Variants in CNTNAP2 observed in about 807,000 individuals in gnomAD.
CNTNAP2 encodes contactin associated protein 2.
CNTNAP2 carries 98 observed loss-of-function variants against 155.2 expected under a neutral mutation model. That is an observed-to-expected ratio of 0.63 (90% CI 0.54 to 0.75). The LOEUF is 0.75. Among genes scored for constraint, CNTNAP2 ranks in the 30% least tolerant of loss-of-function variants. The probability of loss-of-function intolerance (pLI) is 0.00; values close to 1 mark genes in which losing one functional copy is unlikely to be tolerated. For missense variants in CNTNAP2, 1,727 were observed against 1,688.1 expected (o/e 1.02, Z -0.40); for synonymous variants, 651 against 631.2 (o/e 1.03, Z -0.47).
intron 20 of CNTNAP2, among the ~76,000 whole-genome samples, chr7:148,240,512 G>C (rs12668674): frequency 6.6e-6 from 1 of 152,006 alleles, no homozygotes; most frequent in Non-Finnish European, 1.5e-5. Flanking sequence ...GAGACCCCAC[G>C]GATTACAAAC....
At chr7:147,364,558 G>C (rs1340458104) in intron 9 of CNTNAP2, among the ~76,000 whole-genome samples, 1 of 152,174 alleles carries the variant, frequency 6.6e-6, no homozygotes, top group Admixed American at 6.5e-5. Context: ...GATGTTAATG[G>C]AAGACAAGGC....
intron 21 of CNTNAP2, among the ~76,000 whole-genome samples, chr7:148,376,051 A>G (rs1348209196): frequency 1.5e-5 from 1 of 65,716 alleles, no homozygotes; most frequent in African/African-American, 3.7e-5. Flanking sequence ...CCTATTTAGT[A>G]TCCCCAAAAG....
intron 2 of CNTNAP2, among the ~76,000 whole-genome samples, chr7:146,811,069 T>C (rs1803057579): frequency 6.6e-6 from 1 of 152,138 alleles, no homozygotes; most frequent in Admixed American, 6.5e-5. Flanking sequence ...CATCTGTGTT[T>C]ATTAGAAGTA....
At chr7:146,498,702 C>A (rs896460684) in intron 1 of CNTNAP2, among the ~76,000 whole-genome samples, 5 of 151,074 alleles carry the variant, frequency 3.3e-5, no homozygotes, top group African/African-American at 1.2e-4. Flanking sequence ...AAAATCCTGT[C>A]GGTTCAGAGT....
chr7:146,861,088 C>A (rs1196013797), intron 3 of CNTNAP2, among the ~76,000 whole-genome samples: 1 of 151,972 alleles, frequency 6.6e-6, no homozygotes, highest in African/African-American at 2.4e-5. Flanking sequence ...TGAGACCAAG[C>A]CTCATCCTAT....
chr7:146,560,734 C>T (rs1584981913), intron 1 of CNTNAP2, among the ~76,000 whole-genome samples: 1 of 152,090 alleles, frequency 6.6e-6, no homozygotes, highest in African/African-American at 2.4e-5. Context: ...CTGACCTTCC[C>T]TTTGTCTTTT....
intron 1 of CNTNAP2, among the ~76,000 whole-genome samples, chr7:146,182,013 CA>C (rs1798556320): frequency 6.6e-6 from 1 of 151,902 alleles, no homozygotes; most frequent in African/African-American, 2.4e-5. Context: ...TTTTAATGTC[CA>C]GGTTATGTTG....
chr7:146,926,914 A>T (rs549119771), intron 3 of CNTNAP2, among the ~76,000 whole-genome samples: 354 of 152,284 alleles, frequency 2.3e-3, no homozygotes, highest in South Asian at 5.0e-3. Flanking sequence ...TGGGAATAAA[A>T]TAAGAAAACA....
intron 1 of CNTNAP2, among the ~76,000 whole-genome samples, chr7:146,438,942 A>T (rs528384341): frequency 6.6e-6 from 1 of 151,664 alleles, no homozygotes; most frequent in Admixed American, 6.5e-5. Context: ...AATCATTTCT[A>T]TTCTTCAGGC....
intron 13 of CNTNAP2, among the ~76,000 whole-genome samples, chr7:147,646,688 G>C (rs1038323312): frequency 6.6e-6 from 1 of 152,096 alleles, no homozygotes; most frequent in African/African-American, 2.4e-5. Context: ...GGAGGAGCAG[G>C]CTGCAAACCT....
chr7:146,190,815 A>ACAGATCCC (rs1456600346), intron 1 of CNTNAP2, among the ~76,000 whole-genome samples: 1 of 152,206 alleles, frequency 6.6e-6, no homozygotes, highest in Non-Finnish European at 1.5e-5. Context: ...AAAGAAGAAG[A>ACAGATCCC]CAGATCCCTT....
At chr7:146,404,602 T>C (rs879466878) in intron 1 of CNTNAP2, among the ~76,000 whole-genome samples, 1 of 152,164 alleles carries the variant, frequency 6.6e-6, no homozygotes, top group Non-Finnish European at 1.5e-5. Context: ...AAGTTATCCA[T>C]TGGTCTGAGA....
At chr7:146,911,360 T>G (rs1030657098) in intron 3 of CNTNAP2, among the ~76,000 whole-genome samples, 2 of 152,048 alleles carry the variant, frequency 1.3e-5, no homozygotes, top group African/African-American at 4.8e-5. Context: ...TGCACACGTA[T>G]GTTTATCGCG....
chr7:147,116,719 A>T (rs1057395915), intron 5 of CNTNAP2, among the ~76,000 whole-genome samples: 1 of 149,946 alleles, frequency 6.7e-6, no homozygotes, highest in African/African-American at 2.5e-5. Flanking sequence ...TCCCTTGGTC[A>T]CTCCATCCCA....
chr7:147,057,439 C>A (rs933355268), intron 4 of CNTNAP2, among the ~76,000 whole-genome samples: 2 of 152,030 alleles, frequency 1.3e-5, no homozygotes, highest in Non-Finnish European at 2.9e-5. Flanking sequence ...TGTTTTAAAA[C>A]AAATTAGATT....
At chr7:148,040,242 A>G (rs1802645718) in intron 15 of CNTNAP2, among the ~76,000 whole-genome samples, 1 of 152,238 alleles carries the variant, frequency 6.6e-6, no homozygotes, top group Non-Finnish European at 1.5e-5. Flanking sequence ...AAAATAAGCA[A>G]AAGCATTAAA....
intron 3 of CNTNAP2, among the ~76,000 whole-genome samples, chr7:146,893,816 G>A (rs908277997): frequency 3.3e-5 from 5 of 152,046 alleles, no homozygotes; most frequent in Non-Finnish European, 5.9e-5. Context: ...TCCACTAAGC[G>A]CACATCAGTT....
At chr7:147,114,658 G>T (rs1357398806) in intron 5 of CNTNAP2, among the ~76,000 whole-genome samples, 8 of 152,012 alleles carry the variant, frequency 5.3e-5, no homozygotes, top group African/African-American at 1.7e-4. Flanking sequence ...TTTTCCATTT[G>T]CTTGGTACAT....
At chr7:147,305,603 T>A (rs1313337140) in intron 9 of CNTNAP2, among the ~76,000 whole-genome samples, 1 of 152,224 alleles carries the variant, frequency 6.6e-6, no homozygotes, top group African/African-American at 2.4e-5. Flanking sequence ...TTTTTCATTG[T>A]TCTCCCAAAA....
Sources: allele counts gnomAD v4.1 joint callset (sites outside exome capture counted in the v4.1 genomes callset), GRCh38; gene constraint gnomAD v4.1.1; transcripts MANE v1.5; gene names NCBI Gene and HGNC (gene_info 2026-07-23, HGNC 2026-07-21).